Variants in LRP1B observed in about 807,000 individuals in gnomAD.
The protein encoded by LRP1B is LDL receptor related protein 1B.
LRP1B carries 217 observed loss-of-function variants against 556.6 expected under a neutral mutation model. The ratio of observed to expected loss-of-function variants is 0.39; its 90% CI spans 0.35 to 0.44. The LOEUF (loss-of-function observed/expected upper bound fraction) is 0.44, where lower values mean the gene tolerates loss of function less well. Among genes scored for constraint, LRP1B ranks in the 20% least tolerant of loss-of-function variants. The probability of loss-of-function intolerance (pLI) is 1.00; values close to 1 mark genes in which losing one functional copy is unlikely to be tolerated. For missense variants in LRP1B, 5,053 were observed against 5,620.8 expected, an observed-to-expected ratio of 0.90 and a Z score of 3.23; for synonymous variants, 2,047 against 1,865.8, an observed-to-expected ratio of 1.10 and a Z score of -2.50.
chr2:140,519,326 T>C (rs919089048), intron 49 of LRP1B, among the ~76,000 whole-genome samples: 11 of 152,138 alleles, frequency 7.2e-5, no homozygotes, highest in African/African-American at 2.7e-4. Flanking sequence ...AACCATCTGA[T>C]CTTTGACAAA....
intron 3 of LRP1B, among the ~76,000 whole-genome samples, chr2:141,405,770 CAT>C: frequency 6.6e-6 from 1 of 152,118 alleles, no homozygotes; most frequent in African/African-American, 2.4e-5. Context: ...TTTTATCAAA[CAT>C]ATGATAAAAA....
At chr2:141,618,630 G>A (rs1179323161) in intron 2 of LRP1B, among the ~76,000 whole-genome samples, 2 of 152,162 alleles carry the variant, frequency 1.3e-5, no homozygotes, top group African/African-American at 4.8e-5. Context: ...AGTAAGTCAG[G>A]ATGCCACTAC....
intron 1 of LRP1B, among the ~76,000 whole-genome samples, chr2:142,086,414 C>CCT (rs1705924875): frequency 6.6e-6 from 1 of 152,102 alleles, no homozygotes; most frequent in South Asian, 2.1e-4. Context: ...TAGAGACCAT[C>CCT]CTGGCCAACA....
intron 35 of LRP1B, among the ~76,000 whole-genome samples, chr2:140,758,705 A>C (rs1688821099): frequency 6.6e-6 from 1 of 152,062 alleles, no homozygotes; most frequent in East Asian, 1.9e-4. Flanking sequence ...GTTATCAGTA[A>C]ATTAAAATCT....
chr2:140,583,386 G>A (rs956071982), intron 43 of LRP1B, among the ~76,000 whole-genome samples: 1 of 151,782 alleles, frequency 6.6e-6, no homozygotes, highest in Non-Finnish European at 1.5e-5. Context: ...ACGCTGGCCA[G>A]GCTTGTCTTG....
At chr2:141,011,021 A>C (rs1378670924) in intron 14 of LRP1B, among the ~76,000 whole-genome samples, 2 of 147,288 alleles carry the variant, frequency 1.4e-5, no homozygotes, top group Non-Finnish European at 3.0e-5. Context: ...AATATAAATA[A>C]ATATAGTTTT....
intron 1 of LRP1B, among the ~76,000 whole-genome samples, chr2:142,014,273 A>AC (rs1000121103): frequency 2.0e-5 from 3 of 151,516 alleles, no homozygotes; most frequent in Admixed American, 1.3e-4. Context: ...CTGAATTGGG[A>AC]CCCCTTTCCT....
intron 1 of LRP1B, among the ~76,000 whole-genome samples, chr2:141,860,991 G>A (rs6730362): frequency 1.2e-3 from 183 of 152,088 alleles, no homozygotes; most frequent in African/African-American, 4.0e-3. Flanking sequence ...AAGCAAATTC[G>A]TATATTGCAC....
At chr2:142,069,569 C>T (rs114478517) in intron 1 of LRP1B, among the ~76,000 whole-genome samples, 1,640 of 151,734 alleles carry the variant, frequency 0.011, 26 homozygotes, top group African/African-American at 0.037. Flanking sequence ...CAAGGATTGA[C>T]TGTGGCTTGT....
intron 11 of LRP1B, among the ~76,000 whole-genome samples, chr2:141,026,837 T>C (rs1477737825): frequency 6.6e-6 from 1 of 152,080 alleles, no homozygotes; most frequent in African/African-American, 2.4e-5. Context: ...GAATTCAGTA[T>C]GCTAGGAATA....
At chr2:141,442,610 T>G (rs1335658598) in intron 3 of LRP1B, among the ~76,000 whole-genome samples, 2 of 152,090 alleles carry the variant, frequency 1.3e-5, no homozygotes, top group Non-Finnish European at 2.9e-5. Flanking sequence ...CCCCAGTGTG[T>G]GATGTTCCCC....
chr2:140,994,001 T>C lies in LRP1B; in HGVS notation c.2638A>G (p.Asn880Asp). 6.2e-7 allele frequency: 1 copy of C among 1,612,280 alleles called. No homozygotes were observed. The highest frequency in any genetic ancestry group is 8.5e-7 in the Non-Finnish European group (1 of 1,178,848). ...GACTTGGAAGAGAACATACAGCAGT[T>C]TACTGAATCCTCATCGCTTCCGTCT... is the stretch of plus-strand genomic sequence containing the variant. ...CLDGSDEDSV[N>D]CFNHSCPDDQ... The change falls in exon 16 of 91, where the codon AAC becomes GAC. Residue 880 changes from asparagine to aspartate, a missense_variant. Asn to Asp is a conservative substitution (Grantham distance 23). Coordinates refer to ENST00000389484, the MANE Select transcript of LRP1B (RefSeq NM_018557.3).
chr2:142,015,564 C>A (rs868397781), intron 1 of LRP1B, among the ~76,000 whole-genome samples: 5 of 152,106 alleles, frequency 3.3e-5, no homozygotes. Flanking sequence ...ACAAAAGAAA[C>A]CATCATCAGA....
chr2:141,331,530 T>TTCTTTCTTTCTTTCTTTCTTTCTTTCTC (rs1559010558), intron 3 of LRP1B, among the ~76,000 whole-genome samples: 26 of 87,034 alleles, frequency 3.0e-4, no homozygotes, highest in African/African-American at 1.5e-3. Context: ...TTCTCTTTCT[T>TTCTTTCTTTCTTTCTTTCTTTCTTTCTC]TCTTTCTTTC....
At chr2:140,297,031 G>A in intron 84 of LRP1B, among the ~76,000 whole-genome samples, 1 of 152,106 alleles carries the variant, frequency 6.6e-6, no homozygotes, top group East Asian at 1.9e-4. Context: ...CATAAAGCAG[G>A]AGAAAAAGGG....
intron 1 of LRP1B, among the ~76,000 whole-genome samples, chr2:141,940,212 G>C (rs1276860579): frequency 6.6e-6 from 1 of 152,086 alleles, no homozygotes; most frequent in Admixed American, 6.5e-5. Context: ...GGATCACAAA[G>C]AAGACATATT....
intron 43 of LRP1B, among the ~76,000 whole-genome samples, chr2:140,553,432 C>CACACACAG (rs1680618771): frequency 6.6e-6 from 1 of 151,532 alleles, no homozygotes; most frequent in South Asian, 2.1e-4. Context: ...AACACACACA[C>CACACACAG]ACACACACAC....
At chr2:140,405,940 C>T (rs548664812) in intron 66 of LRP1B, among the ~76,000 whole-genome samples, 22 of 152,048 alleles carry the variant, frequency 1.4e-4, no homozygotes, top group Non-Finnish European at 3.1e-4. Context: ...CAAAAATCCC[C>T]AACAAAATAC....
chr2:142,075,483 G>A (rs1017589096), intron 1 of LRP1B, among the ~76,000 whole-genome samples: 11 of 152,076 alleles, frequency 7.2e-5, no homozygotes, highest in Admixed American at 5.9e-4. Context: ...GATACCTGAT[G>A]TGGCTCAACT....
Sources: gnomAD v4.1 joint callset for allele counts (sites outside exome capture counted in the v4.1 genomes callset) on GRCh38, gnomAD v4.1.1 for gene constraint, MANE v1.5 for transcripts, NCBI Gene and HGNC (gene_info 2026-07-23, HGNC 2026-07-21) for gene names.